WIPF3: variants seen among roughly 807,000 people sequenced by gnomAD.
WIPF3 encodes the protein WAS/WASL-interacting protein family member 3.
Under a neutral mutation model 38.9 loss-of-function variants are expected in WIPF3, and 33 were observed. The observed-to-expected ratio is 0.85, with a 90% confidence interval of 0.64 to 1.14. The LOEUF is 1.14. WIPF3 is among the 50% of genes most tolerant of loss of function. The probability of loss-of-function intolerance (pLI) is 0.00; values close to 1 mark genes in which losing one functional copy is unlikely to be tolerated. For missense variants in WIPF3, 711 were observed against 652.5 expected, an observed-to-expected ratio of 1.09 and a Z score of -0.98; for synonymous variants, 324 against 269.3, an observed-to-expected ratio of 1.20 and a Z score of -1.99.
At chr7:29,837,626 A>T (rs1784827135) in intron 2 of WIPF3, among the ~76,000 whole-genome samples, 1 of 152,168 alleles carries the variant, frequency 6.6e-6, no homozygotes, top group Non-Finnish European at 1.5e-5. Context: ...TAAAATAATC[A>T]TGTAAATTTT....
chr7:29,855,669 C>T (rs1486661274), intron 2 of WIPF3, among the ~76,000 whole-genome samples: 1 of 152,156 alleles, frequency 6.6e-6, no homozygotes, highest in Non-Finnish European at 1.5e-5. Context: ...CCAGGGTTAG[C>T]CTCAGGGGGA....
In WIPF3 at chr7:29,878,989, T is replaced by C. The variant is rs1433094924; in HGVS notation, c.224-20T>C. 2 of 1,581,376 alleles carry C rather than the reference T, an allele frequency of 1.3e-6. No individual in the cohort carries two copies. The highest frequency in any genetic ancestry group is 1.3e-5 in the African/African-American group (1 of 74,362). On this transcript the variant is annotated intron_variant, in intron 3 of 8. Coordinates refer to ENST00000242140, the MANE Select transcript of WIPF3 (RefSeq NM_001080529.3). The surrounding 1 kb of genome is among the most constrained non-coding windows in gnomAD (Gnocchi z 4.0). The stretch of plus-strand genomic sequence containing the variant: ...AGCTCTGCTCTCAAGTCCTTGCCTA[T>C]TTGTGTCTTCTCTCTAAAGGTTCTA...
Position 29,884,338 on chromosome 7 carries a change from C to G in WIPF3, c.844C>G (p.Pro282Ala). Residue 282 changes from proline to alanine, a missense_variant, in exon 5 of 9, where the codon CCT becomes GCT. Coordinates refer to ENST00000242140, the MANE Select transcript of WIPF3 (RefSeq NM_001080529.3). ...GGGGCTCAAAGCGGAGCCCGCCAGC[C>G]CTGCGCAAGATGCGCAGGAGCCTCC... ...YPGLKAEPAS[P>A]AQDAQEPPAP... 1 of 1,534,120 alleles carries G rather than the reference C, an allele frequency of 6.5e-7. No homozygotes were observed. The highest frequency in any genetic ancestry group is 8.8e-7 in the Non-Finnish European group (1 of 1,138,844).
chr7:29,890,354 CAAAAAAAAAA>C (rs753546656), intron 7 of WIPF3, among the ~76,000 whole-genome samples: 3 of 50,666 alleles, frequency 5.9e-5, no homozygotes, highest in African/African-American at 1.9e-4. Context: ...TCTGTATCCA[CAAAAAAAAAA>C]AAAAAAAAGA....
At chr7:29,813,087 A>G (rs779290664) in intron 1 of WIPF3, among the ~76,000 whole-genome samples, 3 of 152,052 alleles carry the variant, frequency 2.0e-5, no homozygotes, top group Admixed American at 6.5e-5. Context: ...TTAACACTAC[A>G]TTGTCTTGAC....
chr7:29,827,355 A>G (rs553003319), intron 1 of WIPF3, among the ~76,000 whole-genome samples: 45 of 152,364 alleles, frequency 3.0e-4, no homozygotes, highest in Non-Finnish European at 5.6e-4. Context: ...CAAGAAAGTG[A>G]CAACAGAAAG....
At chr7:29,867,674 A>G (rs79948026) in intron 2 of WIPF3, among the ~76,000 whole-genome samples, 5,498 of 150,778 alleles carry the variant, frequency 0.036, 111 homozygotes, top group South Asian at 0.087. Context: ...TAAAAGCCTG[A>G]GAATATTGGC....
At chr7:29,865,895 A>G (rs1286856875) in intron 2 of WIPF3, among the ~76,000 whole-genome samples, 3 of 152,214 alleles carry the variant, frequency 2.0e-5, no homozygotes, top group Non-Finnish European at 4.4e-5. Context: ...ATGGTGGCTC[A>G]CGTCTGTAAT....
chr7:29,855,310 T>TTCTG (rs1282467055), intron 2 of WIPF3, among the ~76,000 whole-genome samples: 2 of 152,244 alleles, frequency 1.3e-5, no homozygotes, highest in African/African-American at 4.8e-5. Flanking sequence ...TTTTGCCTTG[T>TTCTG]TCTGTCTACT....
intron 8 of WIPF3, among the ~76,000 whole-genome samples, chr7:29,910,725 G>T (rs1397051048): frequency 6.6e-6 from 1 of 151,930 alleles, no homozygotes; most frequent in African/African-American, 2.4e-5. Flanking sequence ...ACCTTTTCAT[G>T]ATAAAAAAAA....
intron 2 of WIPF3, among the ~76,000 whole-genome samples, chr7:29,842,382 G>C (rs1042172942): frequency 6.6e-6 from 1 of 152,178 alleles, no homozygotes; most frequent in African/African-American, 2.4e-5. Flanking sequence ...CTGAGGTGCC[G>C]TATATTTCTG....
At chr7:29,870,256 A>G (rs985503683) in intron 2 of WIPF3, among the ~76,000 whole-genome samples, 1 of 152,208 alleles carries the variant, frequency 6.6e-6, no homozygotes, top group Non-Finnish European at 1.5e-5. Flanking sequence ...TTGAATCCTC[A>G]GGATTCAATT....
At chr7:29,893,338 G>T (rs894346880) in intron 7 of WIPF3, among the ~76,000 whole-genome samples, 2 of 152,164 alleles carry the variant, frequency 1.3e-5, no homozygotes, top group African/African-American at 4.8e-5. Context: ...CAGGTGGAGC[G>T]CAGGGTATAC....
intron 1 of WIPF3, among the ~76,000 whole-genome samples, chr7:29,821,756 C>G (rs1259432633): frequency 6.6e-6 from 1 of 152,194 alleles, no homozygotes; most frequent in African/African-American, 2.4e-5. Context: ...CAGTTTCTCT[C>G]TAATCCTTTC....
At chr7:29,876,892 G>A (rs1785609277) in intron 3 of WIPF3, among the ~76,000 whole-genome samples, 1 of 152,104 alleles carries the variant, frequency 6.6e-6, no homozygotes, top group African/African-American at 2.4e-5. Context: ...GAGCCTCTTT[G>A]AGGATGTTTG....
chr7:29,818,694 CT>C (rs1233235748), intron 1 of WIPF3, among the ~76,000 whole-genome samples: 2 of 151,626 alleles, frequency 1.3e-5, no homozygotes, highest in African/African-American at 4.8e-5. Flanking sequence ...CAATTTAGTT[CT>C]TTCTTTTATC....
Position 29,884,264 on chromosome 7 carries a change from T to TTCCC in WIPF3, c.770_771insTCCC (p.Ile260AlafsTer59). The TTCCC allele has an allele frequency of 6.1e-6, 8 of 1,315,268 alleles. No homozygotes were observed. The highest frequency in any genetic ancestry group is 7.1e-6 in the Non-Finnish European group (7 of 992,692). The allele number at this position is 1,315,268 out of a possible 1,614,324, so 81.5% of individuals were successfully genotyped here. A position where few individuals can be genotyped will look rare whatever the true frequency, so the allele number is the denominator to read the frequency against. On this transcript the variant is annotated frameshift_variant, in exon 5 of 9. Coordinates refer to ENST00000242140, the MANE Select transcript of WIPF3 (RefSeq NM_001080529.3). LOFTEE classifies it high-confidence loss of function. ...AAGCCTCAGCTGGCTCCCTTGCACCTCCCGCCCATCCCGCCCCCGCTCCCT... is the reference window on the plus strand; with the variant it reads ...AAGCCTCAGCTGGCTCCCTTGCACCTTCCCCCCGCCCATCCCGCCCCCGCTCCCT...
chr7:29,840,932 G>T (rs1207344036), intron 2 of WIPF3, among the ~76,000 whole-genome samples: 1 of 152,166 alleles, frequency 6.6e-6, no homozygotes, highest in Non-Finnish European at 1.5e-5. Context: ...GAAGGATAAG[G>T]CACCTGATCG....
intron 2 of WIPF3, among the ~76,000 whole-genome samples, chr7:29,872,275 G>A (rs1785508936): frequency 6.6e-6 from 1 of 152,188 alleles, no homozygotes; most frequent in Non-Finnish European, 1.5e-5. Context: ...GAGGTGGCAG[G>A]AGGTTTTTTA....
Sources: allele counts gnomAD v4.1 joint callset (sites outside exome capture counted in the v4.1 genomes callset), GRCh38; gene constraint gnomAD v4.1.1; non-coding constraint Gnocchi (gnomAD v3.1); transcripts MANE v1.5; gene names NCBI Gene and HGNC (gene_info 2026-07-23, HGNC 2026-07-21).